The following MCF2L variants were observed in gnomAD, a reference collection of about 807,000 sequenced individuals.
MCF2L encodes the protein MCF.2 cell line derived transforming sequence like, also known as guanine nucleotide exchange factor DBS.
MCF2L carries 97 observed loss-of-function variants against 153.4 expected under a neutral mutation model. The ratio of observed to expected loss-of-function variants is 0.63; its 90% CI spans 0.54 to 0.75. The LOEUF is 0.75. MCF2L is among the 30% of genes least tolerant of loss of function. MCF2L has a pLI of 0.00. For synonymous variants in MCF2L, 659 were observed against 632.2 expected (o/e 1.04, Z -0.64); for missense variants, 1,347 against 1,495.2 (o/e 0.90, Z 1.64).
intron 26 of MCF2L, among the ~76,000 whole-genome samples, chr13:113,092,165 G>A (rs1327758343): frequency 6.6e-6 from 1 of 152,236 alleles, no homozygotes; most frequent in African/African-American, 2.4e-5. Context: ...AACTGGAGTC[G>A]GCAGAGCCGG....
intron 5 of MCF2L, among the ~76,000 whole-genome samples, chr13:113,063,538 C>G (rs141127210): frequency 6.6e-6 from 1 of 152,172 alleles, no homozygotes; most frequent in African/African-American, 2.4e-5. Flanking sequence ...CACAGCCACC[C>G]ACGGTGTCCA....
intron 2 of MCF2L, among the ~76,000 whole-genome samples, chr13:113,016,210 G>A (rs982896314): frequency 2.3e-4 from 35 of 152,192 alleles, no homozygotes; most frequent in African/African-American, 7.7e-4. Flanking sequence ...TTCCTTGGTG[G>A]GCTTGACCCA....
At chr13:112,964,003 G>C (rs1236738041) in intron 2 of MCF2L, among the ~76,000 whole-genome samples, 1 of 152,188 alleles carries the variant, frequency 6.6e-6, no homozygotes, top group Admixed American at 6.5e-5. Context: ...CTGTGGATGG[G>C]GTTCTGACAC....
intron 2 of MCF2L, among the ~76,000 whole-genome samples, chr13:113,021,493 G>A (rs2084882185): frequency 6.6e-6 from 1 of 152,196 alleles, no homozygotes; most frequent in Admixed American, 6.5e-5. Flanking sequence ...TTGGACGTGG[G>A]TGGGGACCGG....
intron 3 of MCF2L, among the ~76,000 whole-genome samples, chr13:113,036,929 G>A (rs2086193772): frequency 1.3e-5 from 2 of 152,218 alleles, no homozygotes; most frequent in African/African-American, 4.8e-5. Context: ...ATATCCAGGA[G>A]TGGCCCGAGA....
intron 15 of MCF2L, among the ~76,000 whole-genome samples, chr13:113,079,345 T>C (rs1594958756): frequency 6.6e-6 from 1 of 151,092 alleles, no homozygotes; most frequent in African/African-American, 2.4e-5. Context: ...CAAACACCCA[T>C]GAGGCACACG....
chr13:113,085,290 C>T, intron 20 of MCF2L, 112 bp downstream of exon 20: 1 of 836,508 alleles, frequency 1.2e-6, no homozygotes, highest in Non-Finnish European at 2.0e-6. Context: ...GCCAAGGGCA[C>T]CTCTTCCGAG....
At chr13:113,026,745 G>A in intron 3 of MCF2L, 1 of 598,664 alleles carries the variant, frequency 1.7e-6, no homozygotes, top group Non-Finnish European at 3.0e-6. Flanking sequence ...ACTGACCCCA[G>A]AGGTACCAGA....
At chr13:113,091,691 G>C (rs967361919) in intron 26 of MCF2L, among the ~76,000 whole-genome samples, 1 of 151,932 alleles carries the variant, frequency 6.6e-6, no homozygotes, top group African/African-American at 2.4e-5. Flanking sequence ...TCCTTTCCCG[G>C]GCCGACGAGG....
chr13:113,008,908 C>A (rs1309767090), intron 1 of MCF2L: 2 of 152,094 alleles, frequency 1.3e-5, no homozygotes, highest in Non-Finnish European at 2.9e-5. Flanking sequence ...CATCAGAGAA[C>A]CCAGGTCTTG....
chr13:113,002,127 G>T, intron 1 of MCF2L: 1 of 1,028,874 alleles, frequency 9.7e-7, no homozygotes, highest in Non-Finnish European at 1.3e-6. Flanking sequence ...GGGGGATGCC[G>T]GGGATGGATG....
intron 1 of MCF2L, among the ~76,000 whole-genome samples, chr13:112,986,226 C>T (rs892215839): frequency 5.3e-5 from 8 of 150,176 alleles, no homozygotes; most frequent in South Asian, 4.1e-4. Flanking sequence ...GATGGGGCCG[C>T]GGCCGGATGC....
chr13:113,085,020 C>T (rs1490601916), intron 19 of MCF2L, 36 bp downstream of exon 19: 12 of 1,611,734 alleles, frequency 7.4e-6, no homozygotes, highest in African/African-American at 1.3e-5. Context: ...ACGTTACTCC[C>T]TTTCCTAGCC....
chr13:112,902,297 C>T (rs777920076), exon 2 of MCF2L: 7 of 1,612,872 alleles, frequency 4.3e-6, no homozygotes, highest in Non-Finnish European at 5.9e-6. Context: ...AAGGAGGAAA[C>T]GGATCACCAA....
At chr13:112,979,386 G>T (rs1313533244) in intron 1 of MCF2L, 2 of 1,354,236 alleles carry the variant, frequency 1.5e-6, no homozygotes, top group African/African-American at 1.5e-5. Context: ...TGCTCTTCCA[G>T]GCGTGCAGGG....
chr13:113,047,836 C>CCCAGAGCCTCCG (rs2086914263), intron 4 of MCF2L, among the ~76,000 whole-genome samples: 1 of 150,710 alleles, frequency 6.6e-6, no homozygotes, highest in African/African-American at 2.5e-5. Context: ...CTACGCGTGC[C>CCCAGAGCCTCCG]CTGTCCCCTC....
chr13:113,070,230 C>G lies in MCF2L; in HGVS notation c.996+57C>G. The G allele has an allele frequency of 8.2e-7, 1 of 1,217,320 alleles. No homozygotes were observed. 75.4% of individuals were successfully genotyped at this position (1,217,320 alleles called of 1,614,324 possible). The stretch of plus-strand genomic sequence containing the variant: ...CCTGATGCTCACGGGGCCTCCTGTG[C>G]CTGCGCCCTGGTCCCAGTGCCGGGA... On this transcript the variant is annotated intron_variant, in intron 9 of 29. Transcript: ENST00000535094. This position sits in a 1 kb window ranked among gnomAD's most constrained non-coding sequence, Gnocchi z 5.6.
rs776529336 is a variant in MCF2L at position 113,094,961 on chromosome 13, A to AT, written c.3075+329dup. 4 of 1,386,134 alleles carry AT rather than the reference A, an allele frequency of 2.9e-6. No individual in the cohort carries two copies. The African/African-American group carries it at 5.8e-5, about 20-fold the overall frequency. 85.9% of individuals were successfully genotyped at this position (1,386,134 alleles called of 1,614,324 possible). ...AGCAGCACTTTGTGTTTCTGGGTTA[A>AT]TTTCCAGGTGCCCACCCAGCCTCCT... is the stretch of plus-strand genomic sequence containing the variant. On this transcript the variant is annotated intron_variant, in intron 27 of 29. Coordinates refer to ENST00000535094, the MANE Select transcript of MCF2L (RefSeq NM_001112732.3).
intron 26 of MCF2L, chr13:113,090,644 A>G (rs1166893489): frequency 3.0e-6 from 3 of 985,348 alleles, no homozygotes; most frequent in Admixed American, 6.2e-5. Context: ...TGGGAAATAC[A>G]TGGCGGGGAA....
Sources: allele counts gnomAD v4.1 joint callset (sites outside exome capture counted in the v4.1 genomes callset), GRCh38; gene constraint gnomAD v4.1.1; non-coding constraint Gnocchi (gnomAD v3.1); transcripts MANE v1.5; gene names NCBI Gene and HGNC (gene_info 2026-07-23, HGNC 2026-07-21).